Variants in LYRM4 observed in about 807,000 individuals in gnomAD.
LYRM4 encodes the protein LYR motif containing 4, also known as LYR motif-containing protein 4.
A neutral mutation model predicts 11.7 loss-of-function variants in LYRM4; 9 were observed. The observed-to-expected ratio is 0.77, with a 90% CI of 0.46 to 1.34. The LOEUF (loss-of-function observed/expected upper bound fraction) is 1.34, where lower values mean the gene tolerates loss of function less well. LYRM4 is among the 40% of genes most tolerant of loss of function. The pLI, the probability that LYRM4 is intolerant of heterozygous loss-of-function variation, is 0.00. For synonymous variants in LYRM4, 42 were observed against 40.4 expected (o/e 1.04, Z -0.15); for missense variants, 133 against 112.5 (o/e 1.18, Z -0.82).
chr6:5,149,093 C>G (rs552636090), intron 2 of LYRM4, among the ~76,000 whole-genome samples: 1 of 152,248 alleles, frequency 6.6e-6, no homozygotes, highest in Non-Finnish European at 1.5e-5. Flanking sequence ...AATATTTAGC[C>G]AATTTCGCTT....
chr6:5,188,057 A>G (rs1490684345), intron 2 of LYRM4, among the ~76,000 whole-genome samples: 1 of 152,220 alleles, frequency 6.6e-6, no homozygotes, highest in Admixed American at 6.5e-5. Flanking sequence ...TCTAATCTTT[A>G]GAATGCATTG....
intron 1 of LYRM4, among the ~76,000 whole-genome samples, chr6:5,252,713 G>C (rs1175930965): frequency 6.6e-6 from 1 of 152,088 alleles, no homozygotes; most frequent in Non-Finnish European, 1.5e-5. Flanking sequence ...CAAAAGCAGA[G>C]TCCTCCTGGA....
intron 2 of LYRM4, among the ~76,000 whole-genome samples, chr6:5,159,781 C>T (rs1256220828): frequency 6.6e-6 from 1 of 152,164 alleles, no homozygotes; most frequent in African/African-American, 2.4e-5. Flanking sequence ...GTTCTTGATA[C>T]TTCCTTTAAC....
chr6:5,109,572 T>C (rs1762783813), intron 2 of LYRM4, 81 bp from the exon 3 acceptor site: 1 of 1,421,896 alleles, frequency 7.0e-7, no homozygotes, highest in African/African-American at 1.4e-5. Flanking sequence ...TTTCCTAACA[T>C]TTCTAATACA....
intron 2 of LYRM4, among the ~76,000 whole-genome samples, chr6:5,118,889 T>C (rs897934647): frequency 1.3e-5 from 2 of 152,236 alleles, no homozygotes; most frequent in Admixed American, 6.5e-5. Flanking sequence ...CCAGCAGGCT[T>C]GTTTTTCAAA....
the LYRM4 span, among the ~76,000 whole-genome samples, chr6:5,059,456 A>G: frequency 6.6e-6 from 1 of 151,586 alleles, no homozygotes; most frequent in African/African-American, 2.4e-5. Flanking sequence ...ATTTTTTCTT[A>G]ACTCTGTATC....
At chr6:5,040,340 GATAGATAGATAGATAC>G in the LYRM4 span, among the ~76,000 whole-genome samples, 20 of 142,274 alleles carry the variant, frequency 1.4e-4, no homozygotes, top group South Asian at 6.7e-4. Context: ...TAGATAGATA[GATAGATAGATAGATAC>G]ATACATACAT....
At chr6:5,165,978 C>T (rs559897740) in intron 2 of LYRM4, among the ~76,000 whole-genome samples, 12 of 151,984 alleles carry the variant, frequency 7.9e-5, no homozygotes, top group South Asian at 2.1e-4. Flanking sequence ...TTTAAGCAAA[C>T]GAGTATACTG....
At chr6:5,058,357 C>T in the LYRM4 span, among the ~76,000 whole-genome samples, 2 of 152,198 alleles carry the variant, frequency 1.3e-5, no homozygotes, top group Non-Finnish European at 2.9e-5. Flanking sequence ...AACGGCCTGT[C>T]CCAAGCCTGC....
intron 2 of LYRM4, among the ~76,000 whole-genome samples, chr6:5,205,552 C>T (rs1453096816): frequency 4.6e-5 from 7 of 152,056 alleles, no homozygotes; most frequent in Admixed American, 3.9e-4. Flanking sequence ...AAAAAACAGG[C>T]TGAGTTTCAA....
At chr6:5,157,614 C>T (rs1758494617) in intron 2 of LYRM4, among the ~76,000 whole-genome samples, 1 of 151,792 alleles carries the variant, frequency 6.6e-6, no homozygotes, top group Admixed American at 6.6e-5. Flanking sequence ...ACAGAGAATT[C>T]CCAGAGGTGG....
At chr6:5,086,437 G>C in the LYRM4 span, 1 of 1,536,422 alleles carries the variant, frequency 6.5e-7, no homozygotes, top group African/African-American at 1.4e-5. Flanking sequence ...CGAAGAGGAC[G>C]CCGACGAGCG....
chr6:5,084,555 G>C, the LYRM4 span: 1 of 151,952 alleles, frequency 6.6e-6, no homozygotes, highest in Non-Finnish European at 1.5e-5. Context: ...GGAGGGGCGG[G>C]ACGTGCTCCC....
At chr6:5,190,917 C>T (rs1760714301) in intron 2 of LYRM4, among the ~76,000 whole-genome samples, 1 of 152,104 alleles carries the variant, frequency 6.6e-6, no homozygotes, top group African/African-American at 2.4e-5. Context: ...TTTATACATA[C>T]CTATTTCTGG....
chr6:5,257,642 C>T (rs994899471), intron 1 of LYRM4, among the ~76,000 whole-genome samples: 22 of 152,128 alleles, frequency 1.4e-4, no homozygotes, highest in African/African-American at 5.1e-4. Context: ...AGATCAGCGG[C>T]GGCATTAGAT....
intron 2 of LYRM4, among the ~76,000 whole-genome samples, chr6:5,131,667 A>G (rs466285): frequency 0.94 from 142,542 of 152,310 alleles, 66,819 homozygotes; most frequent in African/African-American, 0.98. Context: ...GGCTCAAACC[A>G]GTAGATATTT....
At chr6:5,068,156 C>T in the LYRM4 span, among the ~76,000 whole-genome samples, 1 of 152,226 alleles carries the variant, frequency 6.6e-6, no homozygotes, top group Non-Finnish European at 1.5e-5. The surrounding 1 kb of genome is among the most constrained non-coding windows in gnomAD (Gnocchi z 4.0). Context: ...TTGGGCTTCT[C>T]TCTGTTTACA....
chr6:5,170,852 C>T (rs1362483618), intron 2 of LYRM4, among the ~76,000 whole-genome samples: 1 of 152,238 alleles, frequency 6.6e-6, no homozygotes, highest in Non-Finnish European at 1.5e-5. Context: ...AGGTGTTCAT[C>T]ATAGCACCAC....
the LYRM4 span, among the ~76,000 whole-genome samples, chr6:5,060,613 T>C: frequency 6.6e-6 from 1 of 152,078 alleles, no homozygotes; most frequent in African/African-American, 2.4e-5. Context: ...CTCACACGTC[T>C]GCCTCTCGGG....
Sources: allele counts gnomAD v4.1 joint callset (sites outside exome capture counted in the v4.1 genomes callset), GRCh38; gene constraint gnomAD v4.1.1; non-coding constraint Gnocchi (gnomAD v3.1); transcripts MANE v1.5; gene names NCBI Gene and HGNC (gene_info 2026-07-23, HGNC 2026-07-21).